The following CNPY3 variants were observed in gnomAD, a reference collection of about 807,000 sequenced individuals.
CNPY3 encodes the protein canopy FGF signaling regulator 3.
CNPY3 carries 20 observed loss-of-function variants against 32.0 expected under a neutral mutation model. That is an observed-to-expected ratio of 0.63 (90% CI 0.44 to 0.91). The LOEUF (loss-of-function observed/expected upper bound fraction) is 0.91, where lower values mean the gene tolerates loss of function less well. Among genes scored for constraint, CNPY3 ranks in the 40% least tolerant of loss-of-function variants. The pLI, the probability that CNPY3 is intolerant of heterozygous loss-of-function variation, is 0.00. For missense variants in CNPY3, 299 were observed against 340.8 expected (o/e 0.88, Z 0.97); for synonymous variants, 138 against 142.9 (o/e 0.97, Z 0.24).
At position 42,938,828 on chromosome 6, in the gene CNPY3, T is replaced by G. The variant is rs1768417537; in HGVS notation, c.*37T>G. 15 of 1,527,990 alleles carry G rather than the reference T, an allele frequency of 9.8e-6. No individual in the cohort carries two copies. Among genetic ancestry groups the G allele is most frequent in the Non-Finnish European group, 1.2e-5 (14 of 1,133,452 alleles). 94.7% of individuals were successfully genotyped at this position (1,527,990 alleles called of 1,614,324 possible). On this transcript the variant is annotated 3_prime_UTR_variant, in exon 6 of 6. Coordinates refer to ENST00000372836, the MANE Select transcript of CNPY3 (RefSeq NM_006586.5). ...ATCCTCTGTCCTGAGACCCCTGATT[T>G]TGAAGCTGAGGAGTCAGGGGCATGG...
At chr6:42,937,612 G>T in intron 3 of CNPY3, 105 bp from the exon 4 acceptor site, 2 of 1,190,622 alleles carry the variant, frequency 1.7e-6, no homozygotes, top group South Asian at 1.4e-5. Flanking sequence ...TCCTTAGAGG[G>T]CGTTGAGCAT....
intron 3 of CNPY3, 99 bp downstream of exon 3, chr6:42,935,769 G>A: frequency 2.3e-6 from 3 of 1,318,500 alleles, no homozygotes; most frequent in Non-Finnish European, 3.1e-6. Context: ...GACCACCTGG[G>A]ATCTTCCTTC....
intron 1 of CNPY3, among the ~76,000 whole-genome samples, chr6:42,933,255 C>T (rs904628685): frequency 2.6e-5 from 4 of 152,164 alleles, no homozygotes; most frequent in Non-Finnish European, 4.4e-5. Context: ...ACTTCACACC[C>T]TCGGTGGTAG....
intron 1 of CNPY3, among the ~76,000 whole-genome samples, chr6:42,930,894 C>T (rs1767749032): frequency 2.0e-5 from 3 of 150,954 alleles, no homozygotes; most frequent in African/African-American, 7.4e-5. Context: ...TTCTTTTTTT[C>T]CTTTTTTTTT....
intron 1 of CNPY3, among the ~76,000 whole-genome samples, chr6:42,934,083 C>T (rs1361448269): frequency 2.0e-5 from 3 of 152,000 alleles, no homozygotes; most frequent in Admixed American, 6.6e-5. Flanking sequence ...GCAGGAGAAT[C>T]GCTTGAACCC....
upstream of CNPY3, chr6:42,929,447 T>A: frequency 9.6e-7 from 1 of 1,037,008 alleles, no homozygotes; most frequent in East Asian, 2.7e-5. Context: ...GGCGGGAGGC[T>A]AGCTGTTGTC....
chr6:42,932,426 G>GTGGA (rs1562539929), intron 1 of CNPY3, among the ~76,000 whole-genome samples: 3 of 152,196 alleles, frequency 2.0e-5, no homozygotes, highest in African/African-American at 7.2e-5. Flanking sequence ...AAAAGAGTGG[G>GTGGA]TGGATGTCAG....
rs532469501 is a variant in CNPY3 at position 42,929,539 on chromosome 6, C to A, written c.-32C>A. ...CGCGCGCCGCGGGAGGAGGAACCGC[C>A]CGGTCCTTTAGGGTCCGGGCCCGGC... is the stretch of plus-strand genomic sequence containing the variant. On this transcript the variant is annotated 5_prime_UTR_variant, in exon 1 of 6. Coordinates refer to ENST00000372836, the MANE Select transcript of CNPY3 (RefSeq NM_006586.5). 4 of 1,538,864 alleles carry A rather than the reference C, an allele frequency of 2.6e-6. No individual in the cohort carries two copies. The South Asian group carries it at 4.7e-5, about 18-fold the overall frequency.
intron 4 of CNPY3, 59 bp from the exon 5 acceptor site, chr6:42,938,031 T>G: frequency 1.3e-6 from 2 of 1,525,676 alleles, no homozygotes; most frequent in Non-Finnish European, 1.8e-6. Flanking sequence ...TTAGCTGAGC[T>G]CCTCTAGGAG....
rs773097165 is a variant in CNPY3, at chr6:42,938,620, A to G, written c.666A>G (p.Gly222=). 6.2e-7 allele frequency: 1 copy of G among 1,609,174 alleles called. No individual in the cohort carries two copies. The highest frequency in any genetic ancestry group is 1.1e-5 in the South Asian group (1 of 90,112). ...AGAAGGGAGACACAGCTGCCCTGGG[A>G]GGGAAGAAGTCCAAGAAGAAGAGCA... is the stretch of plus-strand genomic sequence containing the variant. ...SGKKGDTAAL[G]GKKSKKKSSR... is the part of the protein sequence containing the mutation. Residue 222 remains glycine (G), a synonymous_variant, in exon 6 of 6, where the codon GGA becomes GGG. Transcript: ENST00000372836.
rs559424919 is a variant in CNPY3 at position 42,938,849 on chromosome 6, C to A, written c.*58C>A. 15 of 1,496,964 alleles carry A rather than the reference C, an allele frequency of 1.0e-5. No homozygotes were observed. The highest frequency in any genetic ancestry group is 1.3e-5 in the Non-Finnish European group (14 of 1,117,918). 92.7% of individuals were successfully genotyped at this position (1,496,964 alleles called of 1,614,324 possible). ...GATTTTGAAGCTGAGGAGTCAGGGG[C>A]ATGGCTCTGGCAGGCCGGGATGGCC... On this transcript the variant is annotated 3_prime_UTR_variant, in exon 6 of 6. Transcript: ENST00000372836.
chr6:42,931,692 T>C (rs544599775), intron 1 of CNPY3, among the ~76,000 whole-genome samples: 1 of 151,314 alleles, frequency 6.6e-6, no homozygotes, highest in South Asian at 2.1e-4. Flanking sequence ...GCGTTTCGCT[T>C]CCTCTTCTCT....
chr6:42,938,584 G>A lies in CNPY3; in HGVS notation c.630G>A (p.Gln210=), dbSNP rs984951273. 4 of 1,592,262 alleles carry A rather than the reference G, an allele frequency of 2.5e-6. No homozygotes were observed. The highest frequency in any genetic ancestry group is 1.3e-5 in the African/African-American group (1 of 74,864). ...KGKDTSCLAE[Q]WSGKKGDTAA... ...ACACCCTAGGTTGCCTGGCAGAGCA[G>A]TGGTCCGGCAAGAAGGGAGACACAG... is the stretch of plus-strand genomic sequence containing the variant. The change falls in exon 6 of 6, where the codon CAG becomes CAA. Residue 210 remains glutamine, a synonymous_variant. Transcript: ENST00000372836.
chr6:42,937,601 A>G, intron 3 of CNPY3, 116 bp from the exon 4 acceptor site: 2 of 1,081,102 alleles, frequency 1.8e-6, no homozygotes, highest in Non-Finnish European at 2.7e-6. Flanking sequence ...AAGGATGAGG[A>G]TCCTTAGAGG....
At chr6:42,928,442 C>A (rs1410912304), upstream of CNPY3, among the ~76,000 whole-genome samples, 1 of 151,896 alleles carries the variant, frequency 6.6e-6, no homozygotes, top group Non-Finnish European at 1.5e-5. Flanking sequence ...CGGCGCCTGG[C>A]CTTTTTCTTC....
rs996810732 is a variant in CNPY3 at position 42,929,735 on chromosome 6, G to A, written c.151+14G>A. 2.6e-6 allele frequency: 4 copies of A among 1,540,672 alleles called. No individual in the cohort carries two copies. Among genetic ancestry groups the A allele is most frequent in the Non-Finnish European group, 2.6e-6 (3 of 1,141,150 alleles). On this transcript the variant is annotated intron_variant, in intron 1 of 5. Coordinates refer to ENST00000372836, the MANE Select transcript of CNPY3 (RefSeq NM_006586.5). ...GCAAATGCGAAGGTGAGGAGGCGGG[G>A]CCCGTGGGGCGTATCCTGCCGGAGG...
intron 1 of CNPY3, 118 bp from the exon 2 acceptor site, chr6:42,934,357 G>A (rs1768057902): frequency 5.7e-6 from 7 of 1,236,396 alleles, no homozygotes; most frequent in Admixed American, 3.7e-5. Flanking sequence ...CCTGCCTTGA[G>A]TGCTGATTTT....
Position 42,937,730 on chromosome 6 carries a change from C to T in CNPY3, c.386C>T (p.Thr129Ile), listed in dbSNP as rs1320044871. 1 of 1,614,030 alleles carries T rather than the reference C, an allele frequency of 6.2e-7. No individual in the cohort carries two copies. The highest frequency in any genetic ancestry group is 8.5e-7 in the Non-Finnish European group (1 of 1,179,972). The change falls in exon 4 of 6, where the codon ACC becomes ATC. Residue 129 changes from threonine (T) to isoleucine (I), a missense_variant. Coordinates refer to ENST00000372836, the MANE Select transcript of CNPY3 (RefSeq NM_006586.5). ...CGCTTCTTCCAGGGCATGTCAGAGA[C>T]CTTTGAGACATTACACAACCTGGTA... The part of the protein sequence containing the change: ...SNRFAKGMSE[T>I]FETLHNLVHK...
intron 1 of CNPY3, 72 bp downstream of exon 1, chr6:42,929,793 C>A: frequency 6.8e-7 from 1 of 1,470,752 alleles, no homozygotes; most frequent in Non-Finnish European, 9.1e-7. Context: ...TGCGGAGCAG[C>A]GTCGGGGGTT....
Sources: gnomAD v4.1 joint callset for allele counts (sites outside exome capture counted in the v4.1 genomes callset) on GRCh38, gnomAD v4.1.1 for gene constraint, MANE v1.5 for transcripts, NCBI Gene and HGNC (gene_info 2026-07-23, HGNC 2026-07-21) for gene names.